Variants in ACSL3 observed in about 807,000 individuals in gnomAD.
ACSL3 encodes fatty acid CoA ligase Acsl3.
Under a neutral mutation model 84.7 loss-of-function variants are expected in ACSL3, and 34 were observed. The observed-to-expected ratio is 0.40, with a 90% CI of 0.31 to 0.53. The LOEUF is 0.53. ACSL3 is among the 20% of genes least tolerant of loss of function. ACSL3 has a pLI of 0.48. For synonymous variants in ACSL3, 315 were observed against 299.4 expected (o/e 1.05, Z -0.54); for missense variants, 680 against 873.1 (o/e 0.78, Z 2.79).
Position 222,919,210 on chromosome 2 carries a change from A to G in ACSL3, c.805+8A>G. 6.2e-7 allele frequency: 1 copy of G among 1,613,538 alleles called. No homozygotes were observed. The highest frequency in any genetic ancestry group is 8.5e-7 in the Non-Finnish European group (1 of 1,179,814). ...GAGCCAAGGCCAGCATGGGTATGTT[A>G]CACTTTTCTAATTCCTTACCTGTGC... On this transcript the variant is annotated splice_region_variant and intron_variant, in intron 7 of 16. Coordinates refer to ENST00000357430, the MANE Select transcript of ACSL3 (RefSeq NM_004457.5).
In ACSL3 at chr2:222,923,095, A is replaced by C. The variant is rs759147663; in HGVS notation, c.1098A>C (p.Lys366Asn). The change falls in exon 10 of 17, where the codon AAA becomes AAC. Residue 366 changes from lysine to asparagine, a missense_variant. Physicochemically the swap from Lys to Asn is moderately conservative, Grantham distance 94. Transcript: ENST00000357430. ...TLADQSSKIK[K>N]GSKGDTSMLK... ...TTTTGTAGTCTTCAAAAATTAAAAA[A>C]GGAAGCAAAGGGGATACATCCATGT... The C allele has an allele frequency of 1.9e-6, 3 of 1,613,692 alleles. No individual in the cohort carries two copies. The highest frequency in any genetic ancestry group is 2.5e-6 in the Non-Finnish European group (3 of 1,179,772).
intron 4 of ACSL3, among the ~76,000 whole-genome samples, chr2:222,910,950 G>GTTTGATT (rs1696425046): frequency 6.6e-6 from 1 of 151,546 alleles, no homozygotes; most frequent in African/African-American, 2.4e-5. Flanking sequence ...AGTTAAGCAT[G>GTTTGATT]TTTGATTTTT....
chr2:222,872,764 A>G (rs1033819997), intron 1 of ACSL3, among the ~76,000 whole-genome samples: 3 of 151,692 alleles, frequency 2.0e-5, no homozygotes, highest in Non-Finnish European at 2.9e-5. Flanking sequence ...CAACTGATCT[A>G]GGAGAAGGGG....
intron 8 of ACSL3, among the ~76,000 whole-genome samples, chr2:222,922,396 A>T (rs1367499910): frequency 6.6e-6 from 1 of 152,200 alleles, no homozygotes; most frequent in Non-Finnish European, 1.5e-5. Context: ...CTTGTGCCTC[A>T]GTACTTTGCT....
At chr2:222,925,923 A>G (rs553721605) in intron 11 of ACSL3, among the ~76,000 whole-genome samples, 1 of 152,326 alleles carries the variant, frequency 6.6e-6, no homozygotes, top group Non-Finnish European at 1.5e-5. Context: ...TGGAAGTATG[A>G]CATTCAAAGT....
At chr2:222,869,207 A>G (rs1432853678) in intron 1 of ACSL3, among the ~76,000 whole-genome samples, 3 of 152,316 alleles carry the variant, frequency 2.0e-5, no homozygotes, top group Admixed American at 2.0e-4. Flanking sequence ...ATTGCCATCC[A>G]TGTATGTAAA....
At chr2:222,907,855 G>T (rs1213649326) in intron 3 of ACSL3, among the ~76,000 whole-genome samples, 2 of 151,710 alleles carry the variant, frequency 1.3e-5, no homozygotes, top group African/African-American at 4.8e-5. Flanking sequence ...CACATGGTAC[G>T]CTCTCTCTTC....
chr2:222,913,315 G>A (rs1435222272), intron 4 of ACSL3, among the ~76,000 whole-genome samples: 1 of 151,960 alleles, frequency 6.6e-6, no homozygotes, highest in Non-Finnish European at 1.5e-5. Flanking sequence ...TTTTTACCCT[G>A]TTTGTGTATG....
At chr2:222,902,889 G>T (rs543571785) in intron 3 of ACSL3, among the ~76,000 whole-genome samples, 5 of 152,344 alleles carry the variant, frequency 3.3e-5, no homozygotes, top group African/African-American at 4.8e-5. Flanking sequence ...TCTGGGTCAC[G>T]GGTTTCAACC....
chr2:222,906,450 A>T (rs777073214), intron 3 of ACSL3, among the ~76,000 whole-genome samples: 1 of 152,146 alleles, frequency 6.6e-6, no homozygotes, highest in Admixed American at 6.5e-5. Flanking sequence ...CTTGTGATCC[A>T]GTTAAATTAA....
At chr2:222,940,371 T>C (rs1356848957) in intron 16 of ACSL3, among the ~76,000 whole-genome samples, 1 of 152,232 alleles carries the variant, frequency 6.6e-6, no homozygotes, top group Non-Finnish European at 1.5e-5. Flanking sequence ...ATTTCCTTTC[T>C]CCTGGATACC....
chr2:222,897,834 C>A lies in ACSL3; in HGVS notation c.-147-2840C>A, dbSNP rs1348384708. Among the ~76,000 whole-genome samples, 33 of 34,228 alleles carry A rather than the reference C, an allele frequency of 9.6e-4. 14 individuals carry two copies. Among genetic ancestry groups the A allele is most frequent in the African/African-American group, 7.6e-3 (32 of 4,192 alleles). 22.5% of individuals were successfully genotyped at this position (34,228 alleles called of 152,430 possible). ...GCACTCGGCAGGCTGAGGCAGGAGACTCAGGCATGGAGGTTGCAGTGAGCC... is the reference window on the plus strand; with the variant it reads ...GCACTCGGCAGGCTGAGGCAGGAGAATCAGGCATGGAGGTTGCAGTGAGCC... On this transcript the variant is annotated intron_variant, in intron 2 of 16. Coordinates refer to ENST00000357430, the MANE Select transcript of ACSL3 (RefSeq NM_004457.5).
intron 16 of ACSL3, among the ~76,000 whole-genome samples, chr2:222,937,198 G>A (rs561799473): frequency 6.2e-5 from 3 of 48,214 alleles, no homozygotes; most frequent in South Asian, 2.7e-3. Context: ...ACATTAAATG[G>A]TATTGTTTTC....
chr2:222,885,890 A>C (rs549503846), intron 1 of ACSL3, among the ~76,000 whole-genome samples: 1 of 151,932 alleles, frequency 6.6e-6, no homozygotes, highest in South Asian at 2.1e-4. Flanking sequence ...CTATATGTGC[A>C]CGCCACCACA....
chr2:222,941,535 T>C lies in ACSL3; in HGVS notation c.2044T>C (p.Leu682=), dbSNP rs763071963. The C allele has an allele frequency of 1.1e-5, 17 of 1,611,258 alleles. No individual in the cohort carries two copies. The highest frequency in any genetic ancestry group is 1.4e-5 in the Non-Finnish European group (17 of 1,178,946). ...GTTTGAAATTCCAGTAAAAATTCGTTTGAGTCCTGAACCGTGGACCCCTGA... is the reference window on the plus strand; with the variant it reads ...GTTTGAAATTCCAGTAAAAATTCGTCTGAGTCCTGAACCGTGGACCCCTGA... ...EKFEIPVKIR[L]SPEPWTPETG... is the part of the protein sequence containing the mutation. The change falls in exon 17 of 17, where the codon TTG becomes CTG. Residue 682 remains leucine (L), a synonymous_variant. Coordinates refer to ENST00000357430, the MANE Select transcript of ACSL3 (RefSeq NM_004457.5).
At chr2:222,893,980 G>A (rs1188843627) in intron 2 of ACSL3, among the ~76,000 whole-genome samples, 1 of 152,154 alleles carries the variant, frequency 6.6e-6, no homozygotes, top group African/African-American at 2.4e-5. Flanking sequence ...ACAGTCATGA[G>A]CCACCGCTCC....
chr2:222,925,081 A>G (rs1696844367), intron 11 of ACSL3, among the ~76,000 whole-genome samples: 1 of 152,066 alleles, frequency 6.6e-6, no homozygotes, highest in African/African-American at 2.4e-5. Flanking sequence ...TCACTCCTGT[A>G]ATCCCAGTGC....
At chr2:222,874,002 C>T (rs1695375498) in intron 1 of ACSL3, among the ~76,000 whole-genome samples, 1 of 152,072 alleles carries the variant, frequency 6.6e-6, no homozygotes, top group Non-Finnish European at 1.5e-5. Flanking sequence ...TCCATTGCAC[C>T]TGTACTTGGA....
intron 2 of ACSL3, among the ~76,000 whole-genome samples, chr2:222,893,286 G>C (rs1053809473): frequency 1.3e-5 from 2 of 152,194 alleles, no homozygotes; most frequent in African/African-American, 4.8e-5. Flanking sequence ...TCTGCAAGTT[G>C]AGTTTTCAGA....
Sources: allele counts gnomAD v4.1 joint callset (sites outside exome capture counted in the v4.1 genomes callset), GRCh38; gene constraint gnomAD v4.1.1; transcripts MANE v1.5; gene names NCBI Gene and HGNC (gene_info 2026-07-23, HGNC 2026-07-21).